KIAA0930: variants seen among roughly 807,000 people sequenced by gnomAD.
The protein encoded by KIAA0930 is uncharacterized protein KIAA0930.
KIAA0930 carries 24 observed loss-of-function variants against 43.9 expected under a neutral mutation model. That is an observed-to-expected ratio of 0.55 (90% CI 0.40 to 0.77). The LOEUF is 0.77. Ranked by LOEUF, KIAA0930 falls within the 30% of genes least tolerant of loss-of-function variation. The probability of loss-of-function intolerance (pLI) is 0.00; values close to 1 mark genes in which losing one functional copy is unlikely to be tolerated. For missense variants in KIAA0930, 461 were observed against 574.2 expected (o/e 0.80, Z 2.02); for synonymous variants, 259 against 216.4 (o/e 1.20, Z -1.73).
At chr22:45,208,818 G>A (rs2147745197) in intron 2 of KIAA0930, among the ~76,000 whole-genome samples, 1 of 152,366 alleles carries the variant, frequency 6.6e-6, no homozygotes, top group Middle Eastern at 3.4e-3. Flanking sequence ...ACCCCAGGAA[G>A]CTTCCTCCCC....
intron 1 of KIAA0930, among the ~76,000 whole-genome samples, 168 bp downstream of exon 1, chr22:45,240,472 G>A (rs1382786670): frequency 6.6e-6 from 1 of 150,964 alleles, no homozygotes; most frequent in East Asian, 2.0e-4. Context: ...ATGCAGGGAC[G>A]GTGGGGGGGG....
chr22:45,216,249 G>C (rs2083731886), intron 1 of KIAA0930, among the ~76,000 whole-genome samples: 1 of 152,176 alleles, frequency 6.6e-6, no homozygotes, highest in Non-Finnish European at 1.5e-5. Flanking sequence ...TCCCTACTCA[G>C]ATGGCCAATT....
chr22:45,226,646 A>C (rs941020352), intron 1 of KIAA0930: 2 of 232,314 alleles, frequency 8.6e-6, no homozygotes, highest in African/African-American at 2.2e-5. Flanking sequence ...CTGTGAGATC[A>C]TCCTCACAGG....
chr22:45,236,928 C>T (rs181354953), intron 1 of KIAA0930, among the ~76,000 whole-genome samples: 8 of 152,372 alleles, frequency 5.3e-5, no homozygotes, highest in Admixed American at 5.2e-4. Flanking sequence ...GGCACAGAGA[C>T]AAGCAGCCGG....
chr22:45,198,654 T>C (rs924621376), intron 8 of KIAA0930, among the ~76,000 whole-genome samples: 1 of 152,156 alleles, frequency 6.6e-6, no homozygotes, highest in Non-Finnish European at 1.5e-5. Flanking sequence ...TCACGTCGTT[T>C]TTTTTTGTTT....
At chr22:45,218,222 ATC>A (rs2083745423) in intron 1 of KIAA0930, among the ~76,000 whole-genome samples, 1 of 151,094 alleles carries the variant, frequency 6.6e-6, no homozygotes, top group Non-Finnish European at 1.5e-5. Context: ...CAATGGCACG[ATC>A]TCGGCTCACT....
chr22:45,216,888 C>T (rs986095913), intron 1 of KIAA0930, among the ~76,000 whole-genome samples: 2 of 152,140 alleles, frequency 1.3e-5, no homozygotes, highest in East Asian at 1.9e-4. Context: ...CCTTCCCTCC[C>T]GGGGTCCTAT....
chr22:45,224,434 C>G (rs1284626628), intron 1 of KIAA0930, among the ~76,000 whole-genome samples: 1 of 152,154 alleles, frequency 6.6e-6, no homozygotes, highest in Non-Finnish European at 1.5e-5. Flanking sequence ...AACACTGAGG[C>G]CTGACGCTCT....
intron 2 of KIAA0930, among the ~76,000 whole-genome samples, chr22:45,209,923 A>G (rs2280981): frequency 0.26 from 40,217 of 152,046 alleles, 5,779 homozygotes; most frequent in Non-Finnish European, 0.32. Flanking sequence ...CCTCAGGCCT[A>G]GATCCAGGGC....
chr22:45,205,738 A>AG, intron 3 of KIAA0930, 31 bp from the exon 4 acceptor site: 1 of 1,613,704 alleles, frequency 6.2e-7, no homozygotes, highest in Middle Eastern at 1.6e-4. Flanking sequence ...GCGTGCAGGG[A>AG]GGGGTCAGCC....
chr22:45,220,281 C>T (rs1601820807), intron 1 of KIAA0930, among the ~76,000 whole-genome samples: 2 of 151,814 alleles, frequency 1.3e-5, no homozygotes, highest in South Asian at 4.2e-4. Context: ...GGTAAAACCC[C>T]GTCTCTACTA....
At chr22:45,212,567 C>A in intron 1 of KIAA0930, 2 of 1,387,182 alleles carry the variant, frequency 1.4e-6, no homozygotes, top group Non-Finnish European at 1.9e-6. Context: ...AGCGGGAACC[C>A]GACTTAAAGG....
rs1402963646 is a variant in KIAA0930, at chr22:45,197,504, T to C, written c.1174+286A>G. ...GCAGGCCTGGGTCAGCGAGGTGGCC[T>C]GAGAGCCTCCCCTCGCCCGTGAGTA... is the stretch of plus-strand genomic sequence containing the variant. On this transcript the variant is annotated intron_variant, in intron 9 of 9. Coordinates refer to ENST00000336156, the MANE Select transcript of KIAA0930 (RefSeq NM_001009880.2). 2.6e-5 allele frequency among the ~76,000 whole-genome samples: 4 copies of C among 152,304 alleles called. No individual in the cohort carries two copies. The South Asian group carries it at 8.3e-4, about 32-fold the overall frequency.
chr22:45,196,773 A>G lies in KIAA0930; in HGVS notation c.*403T>C, dbSNP rs900154451. On this transcript the variant is annotated 3_prime_UTR_variant, in exon 10 of 10. Transcript: ENST00000336156. This position sits in a 1 kb window ranked among gnomAD's most constrained non-coding sequence, Gnocchi z 4.1. ...CAAGAACATGTGGACAGTCCAATGC[A>G]CTGAGTGCCCTGGCTGGGTGGTTCC... 3.0e-5 allele frequency: 6 copies of G among 203,370 alleles called. No homozygotes were observed. Among genetic ancestry groups the G allele is most frequent in the Non-Finnish European group, 4.9e-5 (5 of 101,234 alleles). 12.6% of individuals were successfully genotyped at this position (203,370 alleles called of 1,614,324 possible).
chr22:45,204,611 G>A (rs1007086608), intron 5 of KIAA0930, among the ~76,000 whole-genome samples: 1 of 152,102 alleles, frequency 6.6e-6, no homozygotes, highest in Non-Finnish European at 1.5e-5. Flanking sequence ...TCAGGGCCCT[G>A]AGCACCTTGG....
chr22:45,237,660 C>T (rs1028684977), intron 1 of KIAA0930, among the ~76,000 whole-genome samples: 2 of 152,218 alleles, frequency 1.3e-5, no homozygotes, highest in Non-Finnish European at 2.9e-5. Flanking sequence ...TGCTAAACAA[C>T]AACAAAAATC....
chr22:45,227,889 C>A (rs950741731), intron 1 of KIAA0930, among the ~76,000 whole-genome samples: 23 of 152,336 alleles, frequency 1.5e-4, no homozygotes, highest in Non-Finnish European at 1.5e-5. Context: ...GGGAGCTGAG[C>A]AGCAGCTAAC....
chr22:45,218,033 C>G (rs76056126), intron 1 of KIAA0930, among the ~76,000 whole-genome samples: 2,770 of 152,306 alleles, frequency 0.018, 32 homozygotes, highest in Non-Finnish European at 0.026. Context: ...GCCACTAACT[C>G]TCCTCCTGGT....
intron 8 of KIAA0930, among the ~76,000 whole-genome samples, chr22:45,198,753 G>C (rs2083559630): frequency 1.3e-5 from 2 of 152,186 alleles, no homozygotes; most frequent in Admixed American, 1.3e-4. Flanking sequence ...AGGTTCAAGA[G>C]ATTCTCCTGC....
Sources: allele counts gnomAD v4.1 joint callset (sites outside exome capture counted in the v4.1 genomes callset), GRCh38; gene constraint gnomAD v4.1.1; non-coding constraint Gnocchi (gnomAD v3.1); transcripts MANE v1.5; gene names NCBI Gene and HGNC (gene_info 2026-07-23, HGNC 2026-07-21).